Variants in CRELD2 observed in about 807,000 individuals in gnomAD.
The protein encoded by CRELD2 is protein disulfide isomerase CRELD2.
CRELD2 carries 33 observed loss-of-function variants against 48.1 expected under a neutral mutation model. The ratio of observed to expected loss-of-function variants is 0.69; its 90% CI spans 0.52 to 0.92. The LOEUF (loss-of-function observed/expected upper bound fraction) is 0.92, where lower values mean the gene tolerates loss of function less well. CRELD2 is among the 40% of genes least tolerant of loss of function. CRELD2 has a pLI of 0.00. For missense variants in CRELD2, 477 were observed against 482.4 expected, an observed-to-expected ratio of 0.99 and a Z score of 0.10; for synonymous variants, 220 against 203.9, an observed-to-expected ratio of 1.08 and a Z score of -0.67.
intron 8 of CRELD2, 115 bp downstream of exon 8, chr22:49,924,570 C>T (rs1601847967): frequency 2.2e-5 from 15 of 694,986 alleles, no homozygotes; most frequent in Non-Finnish European, 2.0e-5. Flanking sequence ...GTCCTGCAGA[C>T]GTGGCTCCCC....
At position 49,927,481 on chromosome 22, in the gene CRELD2, G is replaced by C; in HGVS notation, c.*174G>C. 1.6e-6 allele frequency: 1 copy of C among 621,682 alleles called. No homozygotes were observed. The highest frequency in any genetic ancestry group is 1.9e-5 in the South Asian group (1 of 52,616). 38.5% of individuals were successfully genotyped at this position (621,682 alleles called of 1,614,324 possible). A position where few individuals can be genotyped will look rare whatever the true frequency, so the allele number is the denominator to read the frequency against. ...TTCTTGGTTGTTCTTAAACAGACTT[G>C]TATATTTTGATACAGTTCTTTGTAA... On this transcript the variant is annotated 3_prime_UTR_variant, in exon 10 of 10. Coordinates refer to ENST00000328268, the MANE Select transcript of CRELD2 (RefSeq NM_024324.5).
rs769255177 is a variant in CRELD2 at position 49,919,782 on chromosome 22, G to A, written c.265G>A (p.Glu89Lys). ...LEGLCESSDFECNQMLEAQEE... is the reference protein window; with the variant it reads ...LEGLCESSDFKCNQMLEAQEE... ...GGGGCTGTGCGAGAGCAGCGACTTC[G>A]AATGCAATCAGATGCTAGAGGCGCA... is the stretch of plus-strand genomic sequence containing the variant. Residue 89 changes from glutamate to lysine, a missense_variant, in exon 3 of 10, where the codon GAA becomes AAA. Glu to Lys is a moderately conservative substitution (Grantham distance 56). Coordinates refer to ENST00000328268, the MANE Select transcript of CRELD2 (RefSeq NM_024324.5). 10 of 1,613,050 alleles carry A rather than the reference G, an allele frequency of 6.2e-6. No homozygotes were observed. In the South Asian group the frequency reaches 7.7e-5, roughly 12 times the overall value.
intron 3 of CRELD2, 123 bp from the exon 4 acceptor site, chr22:49,920,033 C>T (rs2060665514): frequency 1.3e-6 from 1 of 771,446 alleles, no homozygotes; most frequent in African/African-American, 1.8e-5. Flanking sequence ...AGATTCTGTC[C>T]ACACCTAGAC....
chr22:49,923,723 T>C (rs2060727410), intron 7 of CRELD2: 1 of 334,708 alleles, frequency 3.0e-6, no homozygotes, highest in Non-Finnish European at 5.7e-6. Context: ...TTTACAACAA[T>C]GTCTGTTGCT....
chr22:49,919,419 G>C, intron 2 of CRELD2, 107 bp downstream of exon 2: 1 of 1,032,870 alleles, frequency 9.7e-7, no homozygotes. Context: ...AACAGCCCCC[G>C]AGGCACCAGT....
Position 49,927,242 on chromosome 22 carries a change from T to C in CRELD2, c.1010-13T>C. 6.2e-7 allele frequency: 1 copy of C among 1,612,000 alleles called. No individual in the cohort carries two copies. Among genetic ancestry groups the C allele is most frequent in the Non-Finnish European group, 8.5e-7 (1 of 1,179,576 alleles). On this transcript the variant is annotated splice_polypyrimidine_tract_variant and intron_variant, in intron 9 of 9. Transcript: ENST00000328268. ...GTGCTCAGCCTTGACGACCTATGCTTGTTTTCTGACAGAAGCCACAGAAGG... is the reference window on the plus strand; with the variant it reads ...GTGCTCAGCCTTGACGACCTATGCTCGTTTTCTGACAGAAGCCACAGAAGG...
chr22:49,923,585 G>A (rs975127410), intron 7 of CRELD2: 14 of 572,254 alleles, frequency 2.4e-5, no homozygotes, highest in African/African-American at 1.7e-4. Context: ...CAGCGCCCCC[G>A]CAACGTGCCC....
chr22:49,920,271 C>A lies in CRELD2; in HGVS notation c.415+24C>A, dbSNP rs753650046. The A allele has an allele frequency of 8.8e-6, 13 of 1,473,368 alleles. No homozygotes were observed. The South Asian group carries it at 1.5e-4, about 17-fold the overall frequency. 91.3% of individuals were successfully genotyped at this position (1,473,368 alleles called of 1,614,324 possible). A position where few individuals can be genotyped will look rare whatever the true frequency, so the allele number is the denominator to read the frequency against. The stretch of plus-strand genomic sequence containing the variant: ...CGGTGCGTTTCTCCTCAGGGAAATC[C>A]CATCTCCTACGTCACTTCCCCTCTT... On this transcript the variant is annotated intron_variant, in intron 4 of 9. Coordinates refer to ENST00000328268, the MANE Select transcript of CRELD2 (RefSeq NM_024324.5).
At chr22:49,919,487 C>T (rs1308384307) in intron 2 of CRELD2, among the ~76,000 whole-genome samples, 175 bp downstream of exon 2, 1 of 152,242 alleles carries the variant, frequency 6.6e-6, no homozygotes, top group Admixed American at 6.5e-5. Context: ...CCCTCTCTGG[C>T]CTTCCAGCTT....
chr22:49,920,052 C>T (rs1304809693), intron 3 of CRELD2, 104 bp from the exon 4 acceptor site: 12 of 835,908 alleles, frequency 1.4e-5, no homozygotes, highest in African/African-American at 1.7e-5. Context: ...ACTCTTGTTT[C>T]CTGGACCTTA....
Position 49,918,830 on chromosome 22 carries a change from G to A in CRELD2, c.61G>A (p.Ala21Thr). Reference sequence around the variant, plus strand: ...GCCGCTTCTGCTGCTGCTGCCGCCCGCGCCGGAGGCCGCCAAGAAGCCGAC... The same window carrying A: ...GCCGCTTCTGCTGCTGCTGCCGCCCACGCCGGAGGCCGCCAAGAAGCCGAC... ...LLPLLLLLPP[A>T]PEAAKKPTPC... Residue 21 changes from alanine (A) to threonine (T), a missense_variant, in exon 1 of 10, where the codon GCG becomes ACG. By Grantham distance (58) the Ala-to-Thr change is moderately conservative (BLOSUM62 0). Coordinates refer to ENST00000328268, the MANE Select transcript of CRELD2 (RefSeq NM_024324.5). 2.3e-6 allele frequency: 3 copies of A among 1,322,748 alleles called. No homozygotes were observed. The highest frequency in any genetic ancestry group is 2.0e-5 in the South Asian group (1 of 49,936). The allele number at this position is 1,322,748 out of a possible 1,614,324, so 81.9% of individuals were successfully genotyped here. A position where few individuals can be genotyped will look rare whatever the true frequency, so the allele number is the denominator to read the frequency against.
Position 49,925,399 on chromosome 22 carries a change from G to T in CRELD2, c.869-18G>T, listed in dbSNP as rs376764425. 226 of 1,494,836 alleles carry T rather than the reference G, an allele frequency of 1.5e-4. 1 individual carries two copies. In the South Asian group the frequency reaches 1.8e-3, roughly 12 times the overall value. 92.6% of individuals were successfully genotyped at this position (1,494,836 alleles called of 1,614,324 possible). On this transcript the variant is annotated intron_variant, in intron 8 of 9. Coordinates refer to ENST00000328268, the MANE Select transcript of CRELD2 (RefSeq NM_024324.5). The stretch of plus-strand genomic sequence containing the variant: ...TGCTGAGCAAAGTAATTATTAAAAC[G>T]GAGTCTTTTCATTTTAGATGTGGAC...
At chr22:49,924,696 G>A (rs566480096) in intron 8 of CRELD2, 18 of 332,024 alleles carry the variant, frequency 5.4e-5, no homozygotes, top group South Asian at 1.3e-4. Flanking sequence ...CCAGCCTCTC[G>A]CCGGTGGCCT....
At chr22:49,922,143 G>C in intron 5 of CRELD2, 2 of 869,938 alleles carry the variant, frequency 2.3e-6, no homozygotes, top group South Asian at 3.8e-5. Context: ...TCCAAAGGAC[G>C]TTTTCTCCCT....
At chr22:49,924,317 T>A in intron 7 of CRELD2, 43 bp from the exon 8 acceptor site, 1 of 1,463,158 alleles carries the variant, frequency 6.8e-7, no homozygotes, top group Non-Finnish European at 9.5e-7. Context: ...CGGGCACTGG[T>A]GCCTTGTGCA....
chr22:49,927,129 T>G lies in CRELD2; in HGVS notation c.1010-126T>G, dbSNP rs2060776342. 9 of 831,366 alleles carry G rather than the reference T, an allele frequency of 1.1e-5. No individual in the cohort carries two copies. In the Admixed American group the frequency reaches 1.7e-4, roughly 16 times the overall value. 51.5% of individuals were successfully genotyped at this position (831,366 alleles called of 1,614,324 possible). A position where few individuals can be genotyped will look rare whatever the true frequency, so the allele number is the denominator to read the frequency against. On this transcript the variant is annotated intron_variant, in intron 9 of 9. Coordinates refer to ENST00000328268, the MANE Select transcript of CRELD2 (RefSeq NM_024324.5). ...GGTCTCCGAGCTGCCCTTGGATGGC[T>G]GCGTCCGGGGCTTTGAGCCAGGACT...
chr22:49,922,927 TG>T (rs1270146969), intron 6 of CRELD2, among the ~76,000 whole-genome samples: 1 of 44,188 alleles, frequency 2.3e-5, no homozygotes, highest in African/African-American at 8.3e-5. Context: ...GGGCGTGAGG[TG>T]GGGGCGTGAG....
chr22:49,922,206 G>C (rs1184289552), intron 5 of CRELD2: 1 of 1,400,958 alleles, frequency 7.1e-7, no homozygotes, highest in Admixed American at 2.5e-5. Flanking sequence ...TGAGTGTGTG[G>C]TTGGCCGGCA....
chr22:49,922,541 T>G, intron 5 of CRELD2, 71 bp from the exon 6 acceptor site: 1 of 1,485,240 alleles, frequency 6.7e-7, no homozygotes, highest in Non-Finnish European at 9.1e-7. Context: ...TTCCTCACTT[T>G]TAAACGAGCC....
Sources: allele counts gnomAD v4.1 joint callset (sites outside exome capture counted in the v4.1 genomes callset), GRCh38; gene constraint gnomAD v4.1.1; transcripts MANE v1.5; gene names NCBI Gene and HGNC (gene_info 2026-07-23, HGNC 2026-07-21).